MROH2B: variants seen among roughly 807,000 people sequenced by gnomAD.
The protein encoded by MROH2B is maestro heat like repeat family member 2B.
A neutral mutation model predicts 208.6 loss-of-function variants in MROH2B; 177 were observed. The observed-to-expected ratio is 0.85, with a 90% CI of 0.75 to 0.96. The LOEUF (loss-of-function observed/expected upper bound fraction) is 0.96. Among genes scored for constraint, MROH2B ranks in the 40% least tolerant of loss-of-function variants. The probability of loss-of-function intolerance (pLI) is 0.00; values close to 1 mark genes in which losing one functional copy is unlikely to be tolerated. For synonymous variants in MROH2B, 728 were observed against 659.0 expected, an observed-to-expected ratio of 1.10 and a Z score of -1.60; for missense variants, 2,002 against 1,878.7, an observed-to-expected ratio of 1.07 and a Z score of -1.21.
chr5:41,038,979 G>T, intron 20 of MROH2B, 91 bp from the exon 21 acceptor site: 1 of 1,201,162 alleles, frequency 8.3e-7, no homozygotes, highest in Non-Finnish European at 1.2e-6. Context: ...GACCACTATA[G>T]GGGATAAGAA....
intron 34 of MROH2B, 112 bp from the exon 35 acceptor site, chr5:41,005,757 G>A (rs1309095606): frequency 1.3e-5 from 12 of 909,006 alleles, no homozygotes; most frequent in Non-Finnish European, 1.9e-5. Flanking sequence ...TTGGCTGGGG[G>A]TGGTGGCTCA....
chr5:41,005,060 G>A, intron 35 of MROH2B, 140 bp from the exon 36 acceptor site: 1 of 1,175,444 alleles, frequency 8.5e-7, no homozygotes, highest in Non-Finnish European at 1.2e-6. Context: ...TGGTGAACCA[G>A]CAAGCCTTGC....
chr5:41,043,637 T>C (rs1034858068), intron 18 of MROH2B, among the ~76,000 whole-genome samples: 3 of 152,196 alleles, frequency 2.0e-5, no homozygotes, highest in South Asian at 2.1e-4. Context: ...AAGCCTAGCA[T>C]TGGGAGAAAA....
intron 18 of MROH2B, among the ~76,000 whole-genome samples, chr5:41,044,653 G>C (rs1234809959): frequency 1.3e-5 from 2 of 152,168 alleles, no homozygotes; most frequent in African/African-American, 4.8e-5. Context: ...TGTGTTGGCA[G>C]GTTTGGTAAA....
intron 17 of MROH2B, among the ~76,000 whole-genome samples, chr5:41,046,575 G>T (rs536234493): frequency 2.6e-5 from 4 of 152,050 alleles, no homozygotes; most frequent in African/African-American, 9.6e-5. Flanking sequence ...TTCTTAACAG[G>T]AGCTCATTCA....
chr5:41,006,923 T>C (rs1741612872), intron 34 of MROH2B, among the ~76,000 whole-genome samples: 1 of 152,008 alleles, frequency 6.6e-6, no homozygotes, highest in Non-Finnish European at 1.5e-5. Context: ...ATCTCAGAAA[T>C]CATCACTAAA....
rs778969675 is a variant in MROH2B, at chr5:41,057,095, G to A, written c.919+14C>T. 7 of 1,613,670 alleles carry A rather than the reference G, an allele frequency of 4.3e-6. No homozygotes were observed. The highest frequency in any genetic ancestry group is 1.7e-4 in the Middle Eastern group (1 of 6,058). On this transcript the variant is annotated intron_variant, in intron 9 of 41. Coordinates refer to ENST00000399564, the MANE Select transcript of MROH2B (RefSeq NM_173489.5). ...GGACATTTTTATTAAAAGCCTTCTGGATGCTGGTCCTACCTAGAATGAGAA... is the reference window on the plus strand; with the variant it reads ...GGACATTTTTATTAAAAGCCTTCTGAATGCTGGTCCTACCTAGAATGAGAA...
At chr5:41,057,021 T>G (rs1383908538) in intron 9 of MROH2B, 88 bp downstream of exon 9, 4 of 1,289,994 alleles carry the variant, frequency 3.1e-6, no homozygotes, top group Non-Finnish European at 4.5e-6. Flanking sequence ...GAAAGTAAGT[T>G]AATGTGACAG....
intron 16 of MROH2B, 71 bp from the exon 17 acceptor site, chr5:41,047,835 G>A: frequency 7.8e-7 from 1 of 1,285,978 alleles, no homozygotes; most frequent in Non-Finnish European, 1.1e-6. Flanking sequence ...CTCCCCTCCA[G>A]GCCTCCAGTG....
At chr5:41,048,569 G>T in intron 15 of MROH2B, 104 bp from the exon 16 acceptor site, 1 of 1,247,344 alleles carries the variant, frequency 8.0e-7, no homozygotes, top group South Asian at 1.9e-5. Context: ...TTTCTGCATT[G>T]GATAATCTTT....
chr5:41,063,519 C>A (rs1412243066), intron 5 of MROH2B, among the ~76,000 whole-genome samples: 1 of 152,126 alleles, frequency 6.6e-6, no homozygotes, highest in Non-Finnish European at 1.5e-5. Flanking sequence ...AGGCACATAG[C>A]AAGTTCTCAA....
chr5:41,040,606 T>C (rs1742913461), intron 19 of MROH2B, among the ~76,000 whole-genome samples: 2 of 152,196 alleles, frequency 1.3e-5, no homozygotes, highest in African/African-American at 4.8e-5. Flanking sequence ...GTAAGACATA[T>C]TCAAGGACTT....
At chr5:41,010,313 C>A (rs1057274367) in intron 30 of MROH2B, among the ~76,000 whole-genome samples, 1 of 152,136 alleles carries the variant, frequency 6.6e-6, no homozygotes, top group African/African-American at 2.4e-5. Context: ...ATGACAGGTG[C>A]TGTGTTTGCC....
intron 5 of MROH2B, among the ~76,000 whole-genome samples, chr5:41,062,593 AAAT>A (rs552479661): frequency 6.8e-4 from 104 of 152,342 alleles, no homozygotes; most frequent in African/African-American, 2.4e-3. Flanking sequence ...GAAATGCATA[AAAT>A]AATAATATTA....
intron 35 of MROH2B, 36 bp downstream of exon 35, chr5:41,005,495 C>A: frequency 7.6e-7 from 1 of 1,314,972 alleles, no homozygotes; most frequent in Non-Finnish European, 1.0e-6. Flanking sequence ...CCTATGGGGA[C>A]CCAGTGAGTG....
rs754746478 is a variant in MROH2B, at chr5:41,049,390, G to A, written c.1391C>T (p.Thr464Ile). 9 of 1,613,658 alleles carry A rather than the reference G, an allele frequency of 5.6e-6. No homozygotes were observed. The highest frequency in any genetic ancestry group is 6.8e-6 in the Non-Finnish European group (8 of 1,179,796). ...ILTFVVPAEYTEALEPLFSII... is the reference protein window; with the variant it reads ...ILTFVVPAEYIEALEPLFSII... ...ACTAAACAGGGGCTCCAGAGCTTCT[G>A]TGTATTCTGCAGGTACCACAAAAGT... The change falls in exon 14 of 42, where the codon ACA becomes ATA. Residue 464 changes from threonine (T) to isoleucine (I), a missense_variant. By Grantham distance (89) the Thr-to-Ile change is moderately conservative. Transcript: ENST00000399564.
At chr5:41,001,799 GT>G (rs1312418425) in intron 37 of MROH2B, among the ~76,000 whole-genome samples, 7 of 152,018 alleles carry the variant, frequency 4.6e-5, no homozygotes, top group African/African-American at 1.7e-4. Context: ...TTGGAGTTAC[GT>G]TTCAGAGTTC....
rs150169828 is a variant in MROH2B, at chr5:41,019,861, A to G, written c.2442-843T>C. Among the ~76,000 whole-genome samples the G allele has an allele frequency of 2.9e-3, 441 of 152,338 alleles. 2 individuals are homozygous for G. The highest frequency in any genetic ancestry group is 4.5e-3 in the Non-Finnish European group (306 of 68,034). On this transcript the variant is annotated intron_variant, in intron 24 of 41. Coordinates refer to ENST00000399564, the MANE Select transcript of MROH2B (RefSeq NM_173489.5). ...TATCAAAGTATAATTTATGTATAGT[A>G]AGCTGCATCCATTAAAAAAATTTTG...
At chr5:40,999,969 G>T (rs139183704) in intron 39 of MROH2B, 190 bp from the exon 40 acceptor site, 3 of 681,188 alleles carry the variant, frequency 4.4e-6, no homozygotes, top group Admixed American at 3.0e-5. Flanking sequence ...GAGTTTAAGG[G>T]ATTAATCAAC....
Sources: gnomAD v4.1 joint callset for allele counts (sites outside exome capture counted in the v4.1 genomes callset) on GRCh38, gnomAD v4.1.1 for gene constraint, MANE v1.5 for transcripts, NCBI Gene and HGNC (gene_info 2026-07-23, HGNC 2026-07-21) for gene names.